SUDS3: variants seen among roughly 807,000 people sequenced by gnomAD.
The protein encoded by SUDS3 is SIN3A corepressor complex component SDS3.
A neutral mutation model predicts 53.5 loss-of-function variants in SUDS3; 23 were observed. That is an observed-to-expected ratio of 0.43 (90% CI 0.31 to 0.61). The LOEUF is 0.61. Among genes scored for constraint, SUDS3 ranks in the 20% least tolerant of loss-of-function variants. The pLI, the probability that SUDS3 is intolerant of heterozygous loss-of-function variation, is 0.10. For missense variants in SUDS3, 291 were observed against 405.9 expected (o/e 0.72, Z 2.43); for synonymous variants, 150 against 148.5 (o/e 1.01, Z -0.08).
In SUDS3 at chr12:118,416,798, A is replaced by G. The variant is rs2046404679; in HGVS notation, c.*2365A>G. 1 of 152,154 alleles carries G rather than the reference A, an allele frequency of 6.6e-6. No individual in the cohort carries two copies. Among genetic ancestry groups the G allele is most frequent in the South Asian group, 2.1e-4 (1 of 4,828 alleles). 9.4% of individuals were successfully genotyped at this position (152,154 alleles called of 1,614,324 possible). On this transcript the variant is annotated 3_prime_UTR_variant, in exon 12 of 12. Transcript: ENST00000543473. Reference sequence around the variant, plus strand: ...GGAAGACAGACTTTGAAGTTTCTAGACGAGAAGGAGGCTAGCTTCTAGCCT... The same window carrying G: ...GGAAGACAGACTTTGAAGTTTCTAGGCGAGAAGGAGGCTAGCTTCTAGCCT...
rs1050816713 is a variant in SUDS3 at position 118,417,359 on chromosome 12, C to T, written c.*2926C>T. The stretch of plus-strand genomic sequence containing the variant: ...AATATGGGGTTTAGAATGGGGTTGA[C>T]TGTATTTTTTAACCTAATTCTGGAG... On this transcript the variant is annotated 3_prime_UTR_variant, in exon 12 of 12. Transcript: ENST00000543473. 5.9e-5 allele frequency: 9 copies of T among 152,216 alleles called. No homozygotes were observed. Among genetic ancestry groups the T allele is most frequent in the Non-Finnish European group, 1.3e-4 (9 of 68,018 alleles). 9.4% of individuals were successfully genotyped at this position (152,216 alleles called of 1,614,324 possible).
intron 4 of SUDS3, among the ~76,000 whole-genome samples, chr12:118,388,794 C>G (rs991360163): frequency 6.6e-6 from 1 of 152,134 alleles, no homozygotes; most frequent in Non-Finnish European, 1.5e-5. Context: ...GAGCCTCTGT[C>G]CTATGGATTA....
At chr12:118,395,445 C>G (rs914826956) in intron 6 of SUDS3, among the ~76,000 whole-genome samples, 35 of 151,600 alleles carry the variant, frequency 2.3e-4, no homozygotes, top group African/African-American at 8.5e-4. Context: ...CCAGGATGGT[C>G]TCGATCTCCT....
intron 11 of SUDS3, 97 bp downstream of exon 11, chr12:118,411,254 A>C (rs1279165615): frequency 5.7e-6 from 6 of 1,045,510 alleles, no homozygotes; most frequent in Non-Finnish European, 7.2e-6. Context: ...AAGGAAGTAC[A>C]GTGGAGTACT....
At chr12:118,413,017 C>A (rs1010139620) in intron 11 of SUDS3, among the ~76,000 whole-genome samples, 1 of 152,144 alleles carries the variant, frequency 6.6e-6, no homozygotes, top group African/African-American at 2.4e-5. Flanking sequence ...GTGGGTAGCT[C>A]TGAGTGTGTG....
chr12:118,386,520 G>T (rs1433122001), intron 4 of SUDS3, among the ~76,000 whole-genome samples: 1 of 152,104 alleles, frequency 6.6e-6, no homozygotes, highest in Non-Finnish European at 1.5e-5. Context: ...TGAGGAAAAG[G>T]ATTGTAGGTT....
chr12:118,411,266 T>G, intron 11 of SUDS3, 109 bp downstream of exon 11: 1 of 926,702 alleles, frequency 1.1e-6, no homozygotes, highest in Non-Finnish European at 1.7e-6. Flanking sequence ...TGGAGTACTG[T>G]CTTCTATGTG....
At chr12:118,394,047 A>T (rs769302819) in intron 6 of SUDS3, among the ~76,000 whole-genome samples, 2 of 152,174 alleles carry the variant, frequency 1.3e-5, no homozygotes, top group Admixed American at 6.5e-5. Flanking sequence ...ACAAGTCATT[A>T]CAATGTCAAA....
At chr12:118,411,273 T>C (rs117118318) in intron 11 of SUDS3, 116 bp downstream of exon 11, 10,173 of 879,430 alleles carry the variant, frequency 0.012, 101 homozygotes, top group South Asian at 0.021. Context: ...CTGTCTTCTA[T>C]GTGGGTTAGA....
At chr12:118,406,796 C>T (rs951765216) in intron 10 of SUDS3, among the ~76,000 whole-genome samples, 1 of 139,686 alleles carries the variant, frequency 7.2e-6, no homozygotes, top group Non-Finnish European at 1.5e-5. Context: ...TCTTCCCCCC[C>T]CTTTGATTTT....
At chr12:118,384,522 A>G (rs1172247533) in intron 3 of SUDS3, among the ~76,000 whole-genome samples, 1 of 152,258 alleles carries the variant, frequency 6.6e-6, no homozygotes, top group Non-Finnish European at 1.5e-5. Flanking sequence ...AAGGCAGTGC[A>G]GCATCAGAGT....
chr12:118,377,889 T>C (rs1180950997), intron 1 of SUDS3, among the ~76,000 whole-genome samples: 1 of 152,144 alleles, frequency 6.6e-6, no homozygotes, highest in East Asian at 1.9e-4. Flanking sequence ...TGACAGGAAC[T>C]CAGGGAAGGC....
rs756375514 is a variant in SUDS3, at chr12:118,403,396, T to A, written c.698-16T>A. On this transcript the variant is annotated splice_polypyrimidine_tract_variant and intron_variant, in intron 9 of 11. Coordinates refer to ENST00000543473, the MANE Select transcript of SUDS3 (RefSeq NM_022491.3). ...TTTGTTACATTCTTAGTCACGTAAG[T>A]ATTGGTTTCCTCCAGCATCTCCATC... is the stretch of plus-strand genomic sequence containing the variant. 6.2e-7 allele frequency: 1 copy of A among 1,603,286 alleles called. No homozygotes were observed. Among genetic ancestry groups the A allele is most frequent in the Non-Finnish European group, 8.5e-7 (1 of 1,171,870 alleles).
At chr12:118,383,745 T>C (rs2046088590) in intron 2 of SUDS3, among the ~76,000 whole-genome samples, 1 of 152,228 alleles carries the variant, frequency 6.6e-6, no homozygotes, top group African/African-American at 2.4e-5. Flanking sequence ...GTTGCAAGTT[T>C]TAGACGGATT....
At position 118,416,650 on chromosome 12, in the gene SUDS3, C is replaced by T. The variant is rs966095878; in HGVS notation, c.*2217C>T. 7 of 152,166 alleles carry T rather than the reference C, an allele frequency of 4.6e-5. No homozygotes were observed. Among genetic ancestry groups the T allele is most frequent in the South Asian group, 2.1e-4 (1 of 4,832 alleles). 9.4% of individuals were successfully genotyped at this position (152,166 alleles called of 1,614,324 possible). A position where few individuals can be genotyped will look rare whatever the true frequency, so the allele number is the denominator to read the frequency against. On this transcript the variant is annotated 3_prime_UTR_variant, in exon 12 of 12. Transcript: ENST00000543473. ...CAGAGGACTTAATATTTTCTTTTGT[C>T]ACCCCAGAGGTGAAAAATCAGCAGT... is the stretch of plus-strand genomic sequence containing the variant.
chr12:118,403,356 G>A, intron 9 of SUDS3, 56 bp from the exon 10 acceptor site: 1 of 1,327,874 alleles, frequency 7.5e-7, no homozygotes, highest in Non-Finnish European at 1.1e-6. Context: ...ATGTTAACTG[G>A]TAGACTCGCA....
chr12:118,412,778 G>A (rs1049495832), intron 11 of SUDS3, among the ~76,000 whole-genome samples: 1 of 152,084 alleles, frequency 6.6e-6, no homozygotes, highest in Non-Finnish European at 1.5e-5. Context: ...TCTCTCTGCC[G>A]AATATTGTCG....
At chr12:118,378,832 C>T (rs1593747726) in intron 1 of SUDS3, among the ~76,000 whole-genome samples, 1 of 152,196 alleles carries the variant, frequency 6.6e-6, no homozygotes, top group Middle Eastern at 3.4e-3. Flanking sequence ...TGTGCCGCCA[C>T]CCCCAGCTAA....
At chr12:118,412,780 A>G (rs1242435559) in intron 11 of SUDS3, among the ~76,000 whole-genome samples, 3 of 152,190 alleles carry the variant, frequency 2.0e-5, no homozygotes, top group African/African-American at 7.2e-5. Context: ...TCTCTGCCGA[A>G]TATTGTCGCG....
Sources: allele counts gnomAD v4.1 joint callset (sites outside exome capture counted in the v4.1 genomes callset), GRCh38; gene constraint gnomAD v4.1.1; transcripts MANE v1.5; gene names NCBI Gene and HGNC (gene_info 2026-07-23, HGNC 2026-07-21).